MAF: variants seen among roughly 807,000 people sequenced by gnomAD.
MAF encodes MAF bZIP transcription factor.
A neutral mutation model predicts 22.0 loss-of-function variants in MAF; 10 were observed. That is an observed-to-expected ratio of 0.45 (90% confidence interval 0.28 to 0.77). The LOEUF (loss-of-function observed/expected upper bound fraction) is 0.77. Ranked by LOEUF, MAF falls within the 30% of genes least tolerant of loss-of-function variation. MAF has a pLI of 0.12. For synonymous variants in MAF, 337 were observed against 255.8 expected, an observed-to-expected ratio of 1.32 and a Z score of -3.03; for missense variants, 544 against 548.4, an observed-to-expected ratio of 0.99 and a Z score of 0.08.
At chr16:79,258,048 T>C in the MAF span, among the ~76,000 whole-genome samples, 1 of 152,208 alleles carries the variant, frequency 6.6e-6, no homozygotes, top group African/African-American at 2.4e-5. Context: ...AATGGCCAGA[T>C]AACATCGCGT....
chr16:79,317,101 A>C, the MAF span, among the ~76,000 whole-genome samples: 2 of 145,482 alleles, frequency 1.4e-5, no homozygotes, highest in South Asian at 2.2e-4. Context: ...TTCCTCCCTC[A>C]CTCCATTTTC....
In MAF at chr16:79,600,470, G is replaced by A. The variant is rs960577164; in HGVS notation, c.-568C>T. On this transcript the variant is annotated 5_prime_UTR_variant, in exon 1 of 2. Transcript: ENST00000326043. ...ATGCTTCTCGCCTCCTCTTCTGCTT[G>A]GCTCTCTTTATTATTTTTTTTCTTT... 1.0e-5 allele frequency: 2 copies of A among 195,870 alleles called. No individual in the cohort carries two copies. The highest frequency in any genetic ancestry group is 4.7e-5 in the African/African-American group (2 of 42,134). 12.1% of individuals were successfully genotyped at this position (195,870 alleles called of 1,614,324 possible). A position where few individuals can be genotyped will look rare whatever the true frequency, so the allele number is the denominator to read the frequency against.
the MAF span, among the ~76,000 whole-genome samples, chr16:79,512,501 G>C: frequency 6.6e-6 from 1 of 152,058 alleles, no homozygotes; most frequent in Non-Finnish European, 1.5e-5. Flanking sequence ...CCATCTCCAG[G>C]TGTCCTATTA....
chr16:79,358,746 A>C, the MAF span, among the ~76,000 whole-genome samples: 1 of 152,220 alleles, frequency 6.6e-6, no homozygotes, highest in Non-Finnish European at 1.5e-5. Context: ...TGGCTTTATC[A>C]TGAAACAAGT....
the MAF span, among the ~76,000 whole-genome samples, chr16:79,415,178 G>A: frequency 1.2e-4 from 18 of 152,268 alleles, no homozygotes; most frequent in Admixed American, 1.1e-3. Context: ...AGAGCTACAC[G>A]GGCAGGACTC....
At chr16:79,436,679 G>T in the MAF span, among the ~76,000 whole-genome samples, 1 of 152,256 alleles carries the variant, frequency 6.6e-6, no homozygotes, top group African/African-American at 2.4e-5. Flanking sequence ...CATTTAAAAG[G>T]GAGACCCTTG....
Position 79,600,036 on chromosome 16 carries a change from G to T in MAF, c.-134C>A, listed in dbSNP as rs1417767065. ...GGGCGCTTCTAGCTTGCGCGGCGGT[G>T]GCTGGCCCGAAACCTCCGAGCGCGC... On this transcript the variant is annotated 5_prime_UTR_variant, in exon 1 of 2. Coordinates refer to ENST00000326043, the MANE Select transcript of MAF (RefSeq NM_005360.5). 2 of 1,307,950 alleles carry T rather than the reference G, an allele frequency of 1.5e-6. No homozygotes were observed. The highest frequency in any genetic ancestry group is 2.1e-6 in the Non-Finnish European group (2 of 952,604). 81.0% of individuals were successfully genotyped at this position (1,307,950 alleles called of 1,614,324 possible). A position where few individuals can be genotyped will look rare whatever the true frequency, so the allele number is the denominator to read the frequency against.
At chr16:79,448,674 C>G in the MAF span, among the ~76,000 whole-genome samples, 2 of 151,974 alleles carry the variant, frequency 1.3e-5, no homozygotes, top group African/African-American at 4.8e-5. Flanking sequence ...ATCCACACGC[C>G]TCAACCTCCC....
chr16:79,406,516 C>T, the MAF span, among the ~76,000 whole-genome samples: 2 of 152,176 alleles, frequency 1.3e-5, no homozygotes, highest in Non-Finnish European at 2.9e-5. Flanking sequence ...CATGTTCTCA[C>T]AGGGTGGAAG....
the MAF span, among the ~76,000 whole-genome samples, chr16:79,554,853 C>A: frequency 6.6e-6 from 1 of 152,130 alleles, no homozygotes; most frequent in Non-Finnish European, 1.5e-5. Flanking sequence ...GAAACTGATT[C>A]TGCGTGATTT....
chr16:79,291,879 T>C, the MAF span, among the ~76,000 whole-genome samples: 2 of 150,710 alleles, frequency 1.3e-5, no homozygotes, highest in African/African-American at 4.9e-5. Context: ...AAGGCTCACC[T>C]TGCATAGAGA....
chr16:79,520,667 G>T, the MAF span, among the ~76,000 whole-genome samples: 88 of 152,308 alleles, frequency 5.8e-4, no homozygotes, highest in Non-Finnish European at 1.0e-3. Flanking sequence ...AAAAAGCACT[G>T]GCTTTGGGGC....
the MAF span, among the ~76,000 whole-genome samples, chr16:79,385,536 T>C: frequency 6.6e-6 from 1 of 152,248 alleles, no homozygotes; most frequent in Non-Finnish European, 1.5e-5. Flanking sequence ...CGTCTACTTA[T>C]GGCTTTGAAT....
Position 79,599,968 on chromosome 16 carries a change from G to A in MAF, c.-66C>T. ...ATGGGCTGCAGGAGAGGGGCCAGCG[G>A]GCTGTGCTGGGTGGCCAGCGGGTGA... On this transcript the variant is annotated 5_prime_UTR_variant, in exon 1 of 2. Transcript: ENST00000326043. The A allele has an allele frequency of 6.3e-7, 1 of 1,593,274 alleles. No homozygotes were observed. Among genetic ancestry groups the A allele is most frequent in the Non-Finnish European group, 8.5e-7 (1 of 1,176,674 alleles).
the MAF span, among the ~76,000 whole-genome samples, chr16:79,480,399 A>G: frequency 6.6e-5 from 10 of 152,164 alleles, no homozygotes; most frequent in Non-Finnish European, 1.0e-4. Flanking sequence ...GCCAATTCCA[A>G]GCACAAACTA....
the MAF span, among the ~76,000 whole-genome samples, chr16:79,410,342 C>G: frequency 6.6e-6 from 1 of 152,216 alleles, no homozygotes; most frequent in Non-Finnish European, 1.5e-5. Context: ...TTTAATTCGG[C>G]TGAAGTTTTT....
chr16:79,413,239 T>G, the MAF span, among the ~76,000 whole-genome samples: 3 of 46,988 alleles, frequency 6.4e-5, no homozygotes, highest in Non-Finnish European at 1.3e-4. Flanking sequence ...TTTTTTTTTT[T>G]TTTTTTTTTT....
chr16:79,358,190 C>T, the MAF span, among the ~76,000 whole-genome samples: 1 of 152,126 alleles, frequency 6.6e-6, no homozygotes, highest in African/African-American at 2.4e-5. Context: ...CAAATACTGG[C>T]GATGTAATGA....
chr16:79,484,550 C>A, the MAF span, among the ~76,000 whole-genome samples: 5 of 152,180 alleles, frequency 3.3e-5, no homozygotes, highest in South Asian at 8.3e-4. Context: ...GAGGGAAGGG[C>A]TCAGCCCTTC....
Sources: gnomAD v4.1 joint callset for allele counts (sites outside exome capture counted in the v4.1 genomes callset) on GRCh38, gnomAD v4.1.1 for gene constraint, MANE v1.5 for transcripts, NCBI Gene and HGNC (gene_info 2026-07-23, HGNC 2026-07-21) for gene names.